The following MAP3K5 variants were observed in gnomAD, a reference collection of about 807,000 sequenced individuals.
MAP3K5 encodes ASK-1.
A neutral mutation model predicts 158.7 loss-of-function variants in MAP3K5; 56 were observed. The observed-to-expected ratio is 0.35, with a 90% CI of 0.28 to 0.44. The LOEUF (loss-of-function observed/expected upper bound fraction) is 0.44, where lower values mean the gene tolerates loss of function less well. Ranked by LOEUF, MAP3K5 falls within the 20% of genes least tolerant of loss-of-function variation. The pLI is 1.00. For missense variants in MAP3K5, 1,294 were observed against 1,674.8 expected (o/e 0.77, Z 3.97); for synonymous variants, 579 against 601.7 (o/e 0.96, Z 0.55).
chr6:136,590,600 G>T (rs1291709202), intron 23 of MAP3K5, among the ~76,000 whole-genome samples: 1 of 151,428 alleles, frequency 6.6e-6, no homozygotes, highest in Non-Finnish European at 1.5e-5. Context: ...GAGTGCAGTG[G>T]CGCGATCTCA....
chr6:136,669,385 C>T lies in MAP3K5; in HGVS notation c.1264G>A (p.Ala422Thr). The T allele has an allele frequency of 1.3e-6, 2 of 1,593,142 alleles. No homozygotes were observed. The highest frequency in any genetic ancestry group is 1.7e-6 in the Non-Finnish European group (2 of 1,162,174). Residue 422 changes from alanine to threonine, a missense_variant, in exon 8 of 30, where the codon GCA (alanine) becomes ACA (threonine). Physicochemically the swap from Ala to Thr is moderately conservative, Grantham distance 58. Transcript: ENST00000359015. ...RDHGASWFKK[A>T]FESEPTLQSG... ...TGTAGTGTTGGCTCAGATTCAAATG[C>T]CTTTTTGAACCTATAAAAAACCACA...
intron 21 of MAP3K5, among the ~76,000 whole-genome samples, chr6:136,597,195 T>A (rs972718487): frequency 1.3e-5 from 2 of 152,048 alleles, no homozygotes; most frequent in Non-Finnish European, 2.9e-5. Context: ...GAGCCCCATA[T>A]CCCCTAAGAG....
upstream of MAP3K5, chr6:136,792,543 GC>G (rs1785132463): frequency 4.1e-5 from 1 of 24,170 alleles, no homozygotes; most frequent in South Asian, 9.8e-4. The surrounding 1 kb of genome is among the most constrained non-coding windows in gnomAD (Gnocchi z 5.7). Flanking sequence ...CTCGCCACCC[GC>G]CGCGCCGCGC....
chr6:136,741,604 C>A (rs1274397216), intron 1 of MAP3K5, among the ~76,000 whole-genome samples: 1 of 150,894 alleles, frequency 6.6e-6, no homozygotes, highest in Non-Finnish European at 1.5e-5. Flanking sequence ...TCCCCTGTCA[C>A]CACTCCTTTT....
chr6:136,594,509 T>A (rs1775536316), intron 21 of MAP3K5, among the ~76,000 whole-genome samples: 1 of 152,202 alleles, frequency 6.6e-6, no homozygotes, highest in South Asian at 2.1e-4. Flanking sequence ...TCCCTAAAGT[T>A]AAATGTTACT....
At chr6:136,621,547 G>T (rs941826101) in intron 15 of MAP3K5, among the ~76,000 whole-genome samples, 13 of 152,134 alleles carry the variant, frequency 8.5e-5, no homozygotes, top group African/African-American at 3.1e-4. Context: ...GTGATGTGGT[G>T]GGAAGCAGTC....
intron 7 of MAP3K5, among the ~76,000 whole-genome samples, chr6:136,673,733 A>T (rs1459546090): frequency 6.6e-6 from 1 of 151,578 alleles, no homozygotes; most frequent in East Asian, 1.9e-4. Flanking sequence ...AAGAAAACAC[A>T]CACACATAAA....
At position 136,592,487 on chromosome 6, in the gene MAP3K5, G is replaced by C. The variant is rs776096074; in HGVS notation, c.3006C>G (p.Ala1002=). 13 of 1,614,060 alleles carry C rather than the reference G, an allele frequency of 8.1e-6. No homozygotes were observed. Among genetic ancestry groups the C allele is most frequent in the South Asian group, 1.1e-5 (1 of 91,074 alleles). ...TGACATCTCTTTCTCCGCAGGACTT[G>C]GCTCTTGTTTTGAAAGAGAAGGGGT... ...KVDPFSFKTR[A]KSCGERDVKG... is the part of the protein sequence containing the mutation. Residue 1002 remains alanine, a synonymous_variant, in exon 22 of 30, where the codon GCC becomes GCG. Coordinates refer to ENST00000359015, the MANE Select transcript of MAP3K5 (RefSeq NM_005923.4).
chr6:136,731,745 T>C (rs1323046605), intron 1 of MAP3K5, among the ~76,000 whole-genome samples: 1 of 152,158 alleles, frequency 6.6e-6, no homozygotes, highest in East Asian at 1.9e-4. Context: ...CAAAAGGTGC[T>C]GAATACAAGA....
At chr6:136,712,133 A>G (rs531737763) in intron 2 of MAP3K5, among the ~76,000 whole-genome samples, 15 of 151,454 alleles carry the variant, frequency 9.9e-5, no homozygotes, top group African/African-American at 3.4e-4. Flanking sequence ...ACTGGCTGGA[A>G]TGCTGATGAA....
intron 19 of MAP3K5, among the ~76,000 whole-genome samples, chr6:136,603,420 T>C (rs999587040): frequency 2.0e-5 from 3 of 151,430 alleles, no homozygotes; most frequent in African/African-American, 7.3e-5. Flanking sequence ...TCAGGTGATC[T>C]GCCCGCCTCA....
chr6:136,649,123 C>A (rs923793295), intron 11 of MAP3K5, among the ~76,000 whole-genome samples: 4 of 152,160 alleles, frequency 2.6e-5, no homozygotes, highest in African/African-American at 9.7e-5. Flanking sequence ...GCAAGTGCCA[C>A]CACGCCCGGC....
At position 136,669,398 on chromosome 6, in the gene MAP3K5, A is replaced by G; in HGVS notation, c.1254-3T>C. The G allele has an allele frequency of 6.5e-7, 1 of 1,530,946 alleles. No homozygotes were observed. Among genetic ancestry groups the G allele is most frequent in the South Asian group, 1.1e-5 (1 of 88,494 alleles). The allele number at this position is 1,530,946 out of a possible 1,614,324, so 94.8% of individuals were successfully genotyped here. On this transcript the variant is annotated splice_region_variant and splice_polypyrimidine_tract_variant and intron_variant, in intron 7 of 29. Transcript: ENST00000359015. ...CAGATTCAAATGCCTTTTTGAACCT[A>G]TAAAAAACCACAAATGTACAAGTTA...
intron 29 of MAP3K5, among the ~76,000 whole-genome samples, chr6:136,558,555 A>C (rs1280968796): frequency 6.6e-6 from 1 of 152,194 alleles, no homozygotes; most frequent in Non-Finnish European, 1.5e-5. Flanking sequence ...GCATGGACTT[A>C]GTCTGCATCT....
At chr6:136,650,137 T>C (rs75439394) in intron 11 of MAP3K5, among the ~76,000 whole-genome samples, 9,439 of 152,234 alleles carry the variant, frequency 0.062, 411 homozygotes, top group East Asian at 0.17. Flanking sequence ...TTCCCTAGGG[T>C]CTAACACCGT....
intron 12 of MAP3K5, 25 bp from the exon 13 acceptor site, chr6:136,639,663 T>A: frequency 8.4e-7 from 1 of 1,197,458 alleles, no homozygotes; most frequent in Non-Finnish European, 1.2e-6. Flanking sequence ...CAAAAAGGCA[T>A]TATTCAGAGA....
chr6:136,641,086 A>G (rs1432323364), intron 12 of MAP3K5, among the ~76,000 whole-genome samples: 1 of 152,236 alleles, frequency 6.6e-6, no homozygotes, highest in East Asian at 1.9e-4. Flanking sequence ...TTGCTTAAAA[A>G]TGCAGCAATA....
At chr6:136,757,579 A>ATTTATTTTTTTTTTTTTT (rs1562679137) in intron 1 of MAP3K5, among the ~76,000 whole-genome samples, 2 of 111,968 alleles carry the variant, frequency 1.8e-5, no homozygotes, top group Non-Finnish European at 3.9e-5. Context: ...TTATTTATTT[A>ATTTATTTTTTTTTTTTTT]TTTTTTATTT....
chr6:136,694,179 TTAG>T lies in MAP3K5; in HGVS notation c.1211_1213del (p.Ser404_Asn405delinsTyr). On this transcript the variant is annotated inframe_deletion, in exon 7 of 30. Coordinates refer to ENST00000359015, the MANE Select transcript of MAP3K5 (RefSeq NM_005923.4). ...GTCTCTGCTTTCAGTGTCCGTGAAATTAGAGTCCAAAAACATATCTTTGTAGAT... is the reference window on the plus strand; with the variant it reads ...GTCTCTGCTTTCAGTGTCCGTGAAATAGTCCAAAAACATATCTTTGTAGAT... 6.2e-7 allele frequency: 1 copy of T among 1,613,712 alleles called. No homozygotes were observed. Among genetic ancestry groups the T allele is most frequent in the South Asian group, 1.1e-5 (1 of 91,014 alleles).
Sources: gnomAD v4.1 joint callset for allele counts (sites outside exome capture counted in the v4.1 genomes callset) on GRCh38, gnomAD v4.1.1 for gene constraint, Gnocchi (gnomAD v3.1) non-coding constraint, MANE v1.5 for transcripts, NCBI Gene and HGNC (gene_info 2026-07-23, HGNC 2026-07-21) for gene names.